Variants in RPS6KA2 observed in about 807,000 individuals in gnomAD.
The protein encoded by RPS6KA2 is ribosomal protein S6 kinase alpha-2.
A neutral mutation model predicts 91.8 loss-of-function variants in RPS6KA2; 42 were observed. That is an observed-to-expected ratio of 0.46 (90% CI 0.36 to 0.59). RPS6KA2 has a LOEUF of 0.59. RPS6KA2 is among the 20% of genes least tolerant of loss of function. The pLI is 0.00. For missense variants in RPS6KA2, 798 were observed against 978.5 expected (o/e 0.82, Z 2.46); for synonymous variants, 414 against 393.6 (o/e 1.05, Z -0.61).
intron 2 of RPS6KA2, among the ~76,000 whole-genome samples, chr6:166,728,219 G>T (rs1476382725): frequency 1.3e-5 from 2 of 152,172 alleles, no homozygotes; most frequent in African/African-American, 4.8e-5. Flanking sequence ...TACTGGGGTG[G>T]GTGCTCATCT....
chr6:166,458,212 T>G (rs2128459280), intron 12 of RPS6KA2, among the ~76,000 whole-genome samples: 1 of 152,318 alleles, frequency 6.6e-6, no homozygotes, highest in African/African-American at 2.4e-5. Flanking sequence ...CTTGGAGCCC[T>G]CATAATTCCC....
chr6:166,421,534 G>C (rs1292121597), intron 17 of RPS6KA2, among the ~76,000 whole-genome samples: 1 of 152,176 alleles, frequency 6.6e-6, no homozygotes, highest in Non-Finnish European at 1.5e-5. Flanking sequence ...CCTGGGACCA[G>C]CCTCCATAGG....
intron 2 of RPS6KA2, among the ~76,000 whole-genome samples, chr6:166,758,689 C>T (rs530291067): frequency 5.9e-5 from 9 of 152,252 alleles, no homozygotes; most frequent in African/African-American, 1.4e-4. Flanking sequence ...ATAGAGGCCA[C>T]GGCTAAGGAT....
intron 1 of RPS6KA2, among the ~76,000 whole-genome samples, chr6:166,607,497 T>C (rs1290596532): frequency 6.6e-6 from 1 of 152,154 alleles, no homozygotes; most frequent in Non-Finnish European, 1.5e-5. Context: ...CTTGAATACA[T>C]GAGGCTAAGT....
chr6:166,464,061 G>C (rs1429838603), intron 11 of RPS6KA2, among the ~76,000 whole-genome samples: 1 of 152,206 alleles, frequency 6.6e-6, no homozygotes, highest in Non-Finnish European at 1.5e-5. Flanking sequence ...CTGGCAATGG[G>C]AGCAACAGCT....
At chr6:166,482,105 A>G (rs988002383) in intron 10 of RPS6KA2, among the ~76,000 whole-genome samples, 1 of 152,156 alleles carries the variant, frequency 6.6e-6, no homozygotes, top group Non-Finnish European at 1.5e-5. Flanking sequence ...TATGTGCTGC[A>G]GAGTGGAGGC....
At chr6:166,608,931 A>G (rs1786055730) in intron 1 of RPS6KA2, among the ~76,000 whole-genome samples, 1 of 152,208 alleles carries the variant, frequency 6.6e-6, no homozygotes, top group Non-Finnish European at 1.5e-5. Context: ...AACAATGAAT[A>G]AACAACTTAA....
chr6:166,546,199 T>A (rs557129487), intron 1 of RPS6KA2, among the ~76,000 whole-genome samples: 25 of 152,286 alleles, frequency 1.6e-4, no homozygotes, highest in Non-Finnish European at 3.4e-4. Context: ...TGTATTAAGA[T>A]GCACAGGAAC....
rs113638227 is a variant in RPS6KA2, at chr6:166,558,789, C to T, written c.100-20005G>A. ...ACACCGTGGAGAAAGTCTACAGTCA[C>T]GGAGCATCACAAGTGCTGGCTGGAC... On this transcript the variant is annotated intron_variant, in intron 1 of 20. Transcript: ENST00000265678. Among the ~76,000 whole-genome samples the T allele has an allele frequency of 9.6e-3, 1,463 of 152,292 alleles. 22 individuals carry two copies. Among genetic ancestry groups the T allele is most frequent in the African/African-American group, 0.033 (1,354 of 41,546 alleles).
chr6:166,508,614 GGCTTTTGTCGTAAT>G lies in RPS6KA2; in HGVS notation c.380-346_380-333del, dbSNP rs1411647154. On this transcript the variant is annotated intron_variant, in intron 4 of 20. Transcript: ENST00000265678. This position sits in a 1 kb window ranked among gnomAD's most constrained non-coding sequence, Gnocchi z 4.3. Reference sequence around the variant, plus strand: ...GAATATTTAAGCTGGTATCGTTGCTGGCTTTTGTCGTAATGCATTAGTGAGCAGCCTGAAGATGG... The same window carrying G: ...GAATATTTAAGCTGGTATCGTTGCTGGCATTAGTGAGCAGCCTGAAGATGG... 2.6e-5 allele frequency among the ~76,000 whole-genome samples: 4 copies of G among 152,218 alleles called. No individual in the cohort carries two copies. Among genetic ancestry groups the G allele is most frequent in the Non-Finnish European group, 5.9e-5 (4 of 68,038 alleles).
At chr6:166,741,236 G>A (rs1359951632) in intron 2 of RPS6KA2, among the ~76,000 whole-genome samples, 2 of 152,180 alleles carry the variant, frequency 1.3e-5, no homozygotes, top group Non-Finnish European at 2.9e-5. Flanking sequence ...GTAAAGACGT[G>A]GATAAGAAGG....
chr6:166,475,067 C>T (rs1169900002), intron 10 of RPS6KA2, among the ~76,000 whole-genome samples: 3 of 152,174 alleles, frequency 2.0e-5, no homozygotes, highest in South Asian at 2.1e-4. Context: ...GAGTCCTCCA[C>T]CTGGGAGGCG....
chr6:166,845,580 C>T (rs1476431400), intron 2 of RPS6KA2, among the ~76,000 whole-genome samples: 1 of 152,126 alleles, frequency 6.6e-6, no homozygotes, highest in Non-Finnish European at 1.5e-5. Context: ...CAGGCAAATA[C>T]ATGGAAATCA....
In RPS6KA2 at chr6:166,843,009, G is replaced by A. The variant is rs1378893731; in HGVS notation, c.123+15191C>T. On this transcript the variant is annotated intron_variant, in intron 2 of 21. Transcript: ENST00000503859. ...GGGCAAGTTCTCAGCCCAGGTCACC[G>A]GCTGCCTAGAAATAGACTCGGTGCT... is the stretch of plus-strand genomic sequence containing the variant. Among the ~76,000 whole-genome samples the A allele has an allele frequency of 4.6e-5, 7 of 152,270 alleles. No homozygotes were observed. The East Asian group carries it at 5.8e-4, about 13-fold the overall frequency.
intron 1 of RPS6KA2, among the ~76,000 whole-genome samples, chr6:166,575,662 G>A (rs1784817311): frequency 6.6e-6 from 1 of 152,042 alleles, no homozygotes; most frequent in African/African-American, 2.4e-5. Flanking sequence ...CCTCAGGAGA[G>A]TTAAGACCTC....
rs573305626 is a variant in RPS6KA2 at position 166,739,905 on chromosome 6, C to T, written c.123+118295G>A. Among the ~76,000 whole-genome samples, 34 of 152,348 alleles carry T rather than the reference C, an allele frequency of 2.2e-4. No individual in the cohort carries two copies. In the South Asian group the frequency reaches 7.0e-3, roughly 32 times the overall value. Reference sequence around the variant, plus strand: ...CACAGCCAAGTGTTGGAAAGCCTGCCTTCTTACTGTGTTCTTCCTCTCATG... The same window carrying T: ...CACAGCCAAGTGTTGGAAAGCCTGCTTTCTTACTGTGTTCTTCCTCTCATG... On this transcript the variant is annotated intron_variant, in intron 2 of 21. Coordinates refer to the RPS6KA2 transcript ENST00000503859.
chr6:166,439,712 C>T (rs964456704), intron 14 of RPS6KA2, among the ~76,000 whole-genome samples: 1 of 152,172 alleles, frequency 6.6e-6, no homozygotes, highest in Non-Finnish European at 1.5e-5. Flanking sequence ...ATCAGGGCAT[C>T]CTGTGGGCTT....
At position 166,770,180 on chromosome 6, in the gene RPS6KA2, T is replaced by C. The variant is rs1778428549; in HGVS notation, c.123+88020A>G. On this transcript the variant is annotated intron_variant, in intron 2 of 21. Coordinates refer to the RPS6KA2 transcript ENST00000503859. The surrounding 1 kb of genome is among the most constrained non-coding windows in gnomAD (Gnocchi z 5.1). The stretch of plus-strand genomic sequence containing the variant: ...GTGTCACAACCACATGTGGCGTGAC[T>C]ACCGACTTACTACATTTCACCTGAG... Among the ~76,000 whole-genome samples the C allele has an allele frequency of 6.6e-6, 1 of 152,218 alleles. No homozygotes were observed. The highest frequency in any genetic ancestry group is 1.9e-4 in the East Asian group (1 of 5,204).
intron 11 of RPS6KA2, among the ~76,000 whole-genome samples, chr6:166,461,097 A>T (rs1014132917): frequency 5.9e-5 from 9 of 152,200 alleles, no homozygotes; most frequent in African/African-American, 1.9e-4. Flanking sequence ...CCGGGGGCTT[A>T]TCAGGCAGCA....
Sources: allele counts gnomAD v4.1 joint callset (sites outside exome capture counted in the v4.1 genomes callset), GRCh38; gene constraint gnomAD v4.1.1; non-coding constraint Gnocchi (gnomAD v3.1); transcripts MANE v1.5; gene names NCBI Gene and HGNC (gene_info 2026-07-23, HGNC 2026-07-21).